Variants in UBE2E1 observed in about 807,000 individuals in gnomAD.
The protein encoded by UBE2E1 is ubiquitin-conjugating enzyme E2 E1.
UBE2E1 carries 6 observed loss-of-function variants against 21.4 expected under a neutral mutation model. The observed-to-expected ratio is 0.28, with a 90% confidence interval of 0.15 to 0.55. The LOEUF is 0.55. UBE2E1 is among the 20% of genes least tolerant of loss of function. The probability of loss-of-function intolerance (pLI) is 0.93; values close to 1 mark genes in which losing one functional copy is unlikely to be tolerated. For synonymous variants in UBE2E1, 87 were observed against 82.7 expected, an observed-to-expected ratio of 1.05 and a Z score of -0.28; for missense variants, 142 against 236.5, an observed-to-expected ratio of 0.60 and a Z score of 2.62.
intron 3 of UBE2E1, among the ~76,000 whole-genome samples, chr3:23,845,957 C>T (rs1342552200): frequency 6.6e-6 from 1 of 152,066 alleles, no homozygotes; most frequent in Non-Finnish European, 1.5e-5. Flanking sequence ...CCTTTCTTAA[C>T]TAGTAGACCA....
intron 3 of UBE2E1, among the ~76,000 whole-genome samples, chr3:23,844,671 A>G (rs1575010362): frequency 1.3e-5 from 2 of 152,344 alleles, no homozygotes; most frequent in East Asian, 1.9e-4. Context: ...GCAGAGCATG[A>G]GAATTCCTGT....
In UBE2E1 at chr3:23,839,555, G is replaced by A. The variant is rs1034415179; in HGVS notation, c.203+28045G>A. 1.1e-4 allele frequency among the ~76,000 whole-genome samples: 16 copies of A among 151,444 alleles called. No individual in the cohort carries two copies. In the East Asian group the frequency reaches 2.5e-3, roughly 24 times the overall value. ...CATTTCTGGTGTTCTTTTTTTCTTT[G>A]TATAGTTTCAGATATTCACTCACTG... On this transcript the variant is annotated intron_variant, in intron 3 of 5. Coordinates refer to ENST00000306627, the MANE Select transcript of UBE2E1 (RefSeq NM_003341.5).
At chr3:23,873,139 C>T (rs935010317) in intron 3 of UBE2E1, among the ~76,000 whole-genome samples, 3 of 152,182 alleles carry the variant, frequency 2.0e-5, no homozygotes, top group African/African-American at 7.2e-5. Context: ...GGCTGTGGCC[C>T]TCTCACACCT....
At chr3:23,852,793 A>T (rs1700354131) in intron 3 of UBE2E1, among the ~76,000 whole-genome samples, 1 of 151,994 alleles carries the variant, frequency 6.6e-6, no homozygotes, top group South Asian at 2.1e-4. Context: ...TTTGTAGAGC[A>T]GGGGTCTCAC....
chr3:23,872,022 G>A (rs1400926391), intron 3 of UBE2E1, among the ~76,000 whole-genome samples: 28 of 152,084 alleles, frequency 1.8e-4, no homozygotes, highest in East Asian at 1.2e-3. Context: ...CAAGGCAGGC[G>A]GGTGGGAGGT....
chr3:23,865,753 C>A (rs1188841360), intron 3 of UBE2E1, among the ~76,000 whole-genome samples: 1 of 152,190 alleles, frequency 6.6e-6, no homozygotes, highest in East Asian at 1.9e-4. Context: ...CCAACTGATA[C>A]CAACATGAAG....
chr3:23,816,938 G>GA lies in UBE2E1; in HGVS notation c.203+5430dup, dbSNP rs1699533917. On this transcript the variant is annotated intron_variant, in intron 3 of 5. Coordinates refer to ENST00000306627, the MANE Select transcript of UBE2E1 (RefSeq NM_003341.5). This position sits in a 1 kb window ranked among gnomAD's most constrained non-coding sequence, Gnocchi z 4.8. The stretch of plus-strand genomic sequence containing the variant: ...AATGGTGATGGTTGCGCAATATTGT[G>GA]AATGTAATTAATGCCACTAAATTGT... Among the ~76,000 whole-genome samples the GA allele has an allele frequency of 6.6e-6, 1 of 152,136 alleles. No individual in the cohort carries two copies. The highest frequency in any genetic ancestry group is 2.4e-5 in the African/African-American group (1 of 41,418).
In UBE2E1 at chr3:23,853,676, T is replaced by C. The variant is rs757398014; in HGVS notation, c.204-33891T>C. Among the ~76,000 whole-genome samples, 1 of 152,196 alleles carries C rather than the reference T, an allele frequency of 6.6e-6. No individual in the cohort carries two copies. Among genetic ancestry groups the C allele is most frequent in the Non-Finnish European group, 1.5e-5 (1 of 68,034 alleles). ...ACACTTGTCCCTCTTAACTTGTTTCTTGGTAATGAGTGAATTGGTGAAAAT... is the reference window on the plus strand; with the variant it reads ...ACACTTGTCCCTCTTAACTTGTTTCCTGGTAATGAGTGAATTGGTGAAAAT... On this transcript the variant is annotated intron_variant, in intron 3 of 5. Transcript: ENST00000306627. The surrounding 1 kb of genome is among the most constrained non-coding windows in gnomAD (Gnocchi z 4.1).
In UBE2E1 at chr3:23,890,782, C is replaced by A; in HGVS notation, c.*176C>A. 1 of 507,632 alleles carries A rather than the reference C, an allele frequency of 2.0e-6. No individual in the cohort carries two copies. The highest frequency in any genetic ancestry group is 3.3e-6 in the Non-Finnish European group (1 of 304,114). The allele number at this position is 507,632 out of a possible 1,614,324, so 31.4% of individuals were successfully genotyped here. On this transcript the variant is annotated 3_prime_UTR_variant, in exon 6 of 6. Coordinates refer to ENST00000306627, the MANE Select transcript of UBE2E1 (RefSeq NM_003341.5). Reference sequence around the variant, plus strand: ...ACTTAAGGTATCTTGCTACAGTAGACAGAATTGGTAATAGCAACTTTTAAA... The same window carrying A: ...ACTTAAGGTATCTTGCTACAGTAGAAAGAATTGGTAATAGCAACTTTTAAA...
chr3:23,811,635 G>T (rs1315234458), intron 3 of UBE2E1, 125 bp downstream of exon 3: 2 of 851,288 alleles, frequency 2.3e-6, no homozygotes, highest in African/African-American at 1.7e-5. Flanking sequence ...CTAACATCAC[G>T]TAACAGCTGA....
chr3:23,849,340 A>C (rs1218321815), intron 3 of UBE2E1, among the ~76,000 whole-genome samples: 4 of 151,962 alleles, frequency 2.6e-5, no homozygotes, highest in Admixed American at 2.6e-4. Context: ...AAAATTTTTA[A>C]ATTTCTTTTT....
Position 23,808,524 on chromosome 3 carries a change from G to T in UBE2E1, c.152+1103G>T, listed in dbSNP as rs920767175. The stretch of plus-strand genomic sequence containing the variant: ...GATCTCTCCACTGAGTAGTGAGCCT[G>T]GAAGTCAGGGTTTGAGAGTTTGTTC... On this transcript the variant is annotated intron_variant, in intron 2 of 5. Coordinates refer to ENST00000306627, the MANE Select transcript of UBE2E1 (RefSeq NM_003341.5). This position sits in a 1 kb window ranked among gnomAD's most constrained non-coding sequence, Gnocchi z 4.9. Among the ~76,000 whole-genome samples the T allele has an allele frequency of 3.3e-5, 5 of 152,174 alleles. No homozygotes were observed. Among genetic ancestry groups the T allele is most frequent in the Admixed American group, 3.3e-4 (5 of 15,290 alleles).
Position 23,816,949 on chromosome 3 carries a change from A to G in UBE2E1, c.203+5439A>G, listed in dbSNP as rs1485267173. 6.6e-6 allele frequency among the ~76,000 whole-genome samples: 1 copy of G among 152,200 alleles called. No individual in the cohort carries two copies. The highest frequency in any genetic ancestry group is 1.5e-5 in the Non-Finnish European group (1 of 68,030). Reference sequence around the variant, plus strand: ...TTGCGCAATATTGTGAATGTAATTAATGCCACTAAATTGTACACTTAAAAT... The same window carrying G: ...TTGCGCAATATTGTGAATGTAATTAGTGCCACTAAATTGTACACTTAAAAT... On this transcript the variant is annotated intron_variant, in intron 3 of 5. Transcript: ENST00000306627. The surrounding 1 kb of genome is among the most constrained non-coding windows in gnomAD (Gnocchi z 4.8).
At position 23,887,631 on chromosome 3, in the gene UBE2E1, G is replaced by A. The variant is rs1476973634; in HGVS notation, c.268G>A (p.Val90Met). 4 of 1,614,074 alleles carry A rather than the reference G, an allele frequency of 2.5e-6. No homozygotes were observed. The highest frequency in any genetic ancestry group is 3.4e-6 in the Non-Finnish European group (4 of 1,180,008). ...AACCATTCTAGGGCCTCCAGGATCC[G>A]TGTATGAGGGTGGTGTATTCTTTCT... is the stretch of plus-strand genomic sequence containing the variant. Reference protein sequence around the residue: ...RSTILGPPGSVYEGGVFFLDI... With the variant: ...RSTILGPPGSMYEGGVFFLDI... The change falls in exon 4 of 6, where the codon GTG becomes ATG. Residue 90 changes from valine (V) to methionine (M), a missense_variant. Coordinates refer to ENST00000306627, the MANE Select transcript of UBE2E1 (RefSeq NM_003341.5). This position sits in a 1 kb window ranked among gnomAD's most constrained non-coding sequence, Gnocchi z 4.4.
chr3:23,848,207 G>A (rs1179903701), intron 3 of UBE2E1, among the ~76,000 whole-genome samples: 1 of 152,200 alleles, frequency 6.6e-6, no homozygotes, highest in African/African-American at 2.4e-5. Context: ...AATAGCTGAT[G>A]CCTGTAATCA....
intron 3 of UBE2E1, among the ~76,000 whole-genome samples, chr3:23,813,346 G>A (rs1029620906): frequency 9.9e-5 from 15 of 152,242 alleles, no homozygotes; most frequent in African/African-American, 3.4e-4. Flanking sequence ...TTCCAGTGGG[G>A]CCGTTTGAGT....
intron 3 of UBE2E1, among the ~76,000 whole-genome samples, chr3:23,883,720 G>A (rs1007794233): frequency 6.6e-6 from 1 of 151,612 alleles, no homozygotes; most frequent in Non-Finnish European, 1.5e-5. Context: ...GTTTGAGACC[G>A]GTCTAGCCAA....
chr3:23,878,487 A>G (rs538205407), intron 3 of UBE2E1, among the ~76,000 whole-genome samples: 1 of 152,306 alleles, frequency 6.6e-6, no homozygotes, highest in South Asian at 2.1e-4. Context: ...TCCCTGGCCC[A>G]TTAGGAACCA....
intron 3 of UBE2E1, among the ~76,000 whole-genome samples, chr3:23,859,723 G>C (rs1700510126): frequency 6.6e-6 from 1 of 152,222 alleles, no homozygotes; most frequent in Non-Finnish European, 1.5e-5. Context: ...TGAAGAACTT[G>C]CTGTGGCTTT....
Sources: allele counts gnomAD v4.1 joint callset (sites outside exome capture counted in the v4.1 genomes callset), GRCh38; gene constraint gnomAD v4.1.1; non-coding constraint Gnocchi (gnomAD v3.1); transcripts MANE v1.5; gene names NCBI Gene and HGNC (gene_info 2026-07-23, HGNC 2026-07-21).